The following SPAG16 variants were observed in gnomAD, a reference collection of about 807,000 sequenced individuals.
SPAG16 encodes sperm-associated antigen 16 protein.
A neutral mutation model predicts 80.4 loss-of-function variants in SPAG16; 86 were observed. That is an observed-to-expected ratio of 1.07 (90% CI 0.90 to 1.28). The LOEUF is 1.28. Ranked by LOEUF, SPAG16 falls within the 50% of genes most tolerant of loss-of-function variation. SPAG16 has a pLI of 0.00. For synonymous variants in SPAG16, 294 were observed against 265.9 expected, an observed-to-expected ratio of 1.11 and a Z score of -1.03; for missense variants, 870 against 765.3, an observed-to-expected ratio of 1.14 and a Z score of -1.61.
At chr2:214,281,180 A>G (rs2125913843) in intron 15 of SPAG16, 1 of 331,174 alleles carries the variant, frequency 3.0e-6, no homozygotes, top group South Asian at 3.1e-5. Flanking sequence ...GCTGCAGCGT[A>G]ATTTGTCAAG....
chr2:213,565,633 G>T (rs1159493035), intron 10 of SPAG16, among the ~76,000 whole-genome samples: 1 of 152,168 alleles, frequency 6.6e-6, no homozygotes, highest in Non-Finnish European at 1.5e-5. Flanking sequence ...GAGAGGTTGA[G>T]AACACACCAG....
chr2:214,210,863 G>A (rs1220163484), intron 15 of SPAG16, among the ~76,000 whole-genome samples: 1 of 151,740 alleles, frequency 6.6e-6, no homozygotes, highest in Admixed American at 6.6e-5. Context: ...ACACATATTT[G>A]TGTGTGTACT....
chr2:213,364,072 T>G lies in SPAG16; in HGVS notation c.763-4T>G. 1 of 1,462,814 alleles carries G rather than the reference T, an allele frequency of 6.8e-7. No individual in the cohort carries two copies. Among genetic ancestry groups the G allele is most frequent in the Admixed American group, 2.5e-5 (1 of 40,644 alleles). 90.6% of individuals were successfully genotyped at this position (1,462,814 alleles called of 1,614,324 possible). A position where few individuals can be genotyped will look rare whatever the true frequency, so the allele number is the denominator to read the frequency against. On this transcript the variant is annotated splice_region_variant and splice_polypyrimidine_tract_variant and intron_variant, in intron 7 of 15. Coordinates refer to ENST00000331683, the MANE Select transcript of SPAG16 (RefSeq NM_024532.5). ...ATTTCATTTCTTTGAATTTTACTTT[T>G]TAGATTTCTGGACTTCAAGAAACAT... is the stretch of plus-strand genomic sequence containing the variant.
chr2:213,433,209 G>A (rs575972734), intron 9 of SPAG16, among the ~76,000 whole-genome samples: 27 of 152,132 alleles, frequency 1.8e-4, no homozygotes, highest in Non-Finnish European at 1.9e-4. Flanking sequence ...ACAAGAATGT[G>A]CACTTTGGCC....
intron 10 of SPAG16, among the ~76,000 whole-genome samples, chr2:213,653,321 A>G (rs1010896916): frequency 1.3e-5 from 2 of 152,180 alleles, no homozygotes; most frequent in Middle Eastern, 3.2e-3. Context: ...TAGTCTCAAT[A>G]TAAGCTGTGG....
At chr2:213,778,078 G>A (rs1480109545) in intron 10 of SPAG16, among the ~76,000 whole-genome samples, 1 of 151,768 alleles carries the variant, frequency 6.6e-6, no homozygotes, top group Admixed American at 6.6e-5. Flanking sequence ...TCCAACCCAG[G>A]AAATCTAAAT....
rs144247372 is a variant in SPAG16 at position 214,035,952 on chromosome 2, C to T, written c.1527+21875C>T. Among the ~76,000 whole-genome samples, 1,034 of 152,274 alleles carry T rather than the reference C, an allele frequency of 6.8e-3. 15 individuals are homozygous for T. Among genetic ancestry groups the T allele is most frequent in the African/African-American group, 0.023 (961 of 41,552 alleles). Reference sequence around the variant, plus strand: ...ACTGCAGCCGGTGTCATGCAGTGGCCGCTGTAGATTAACCACCACTGCCAT... The same window carrying T: ...ACTGCAGCCGGTGTCATGCAGTGGCTGCTGTAGATTAACCACCACTGCCAT... On this transcript the variant is annotated intron_variant, in intron 13 of 15. Transcript: ENST00000331683.
chr2:213,889,263 AGT>A (rs1391011224), intron 11 of SPAG16, among the ~76,000 whole-genome samples: 1 of 151,944 alleles, frequency 6.6e-6, no homozygotes, highest in Non-Finnish European at 1.5e-5. Context: ...CCTTCTATAT[AGT>A]GTATAAATAT....
At chr2:213,564,756 T>C (rs1230452128) in intron 10 of SPAG16, among the ~76,000 whole-genome samples, 1 of 152,276 alleles carries the variant, frequency 6.6e-6, no homozygotes, top group East Asian at 1.9e-4. Context: ...ACTTTGTTAA[T>C]ATGCACAAGA....
chr2:213,986,586 A>G (rs182479231), intron 12 of SPAG16, among the ~76,000 whole-genome samples: 1 of 152,132 alleles, frequency 6.6e-6, no homozygotes, highest in Admixed American at 6.6e-5. Flanking sequence ...GAAATACTAG[A>G]ACAGTTACAA....
chr2:213,858,315 T>A (rs4638733), intron 10 of SPAG16, among the ~76,000 whole-genome samples: 52,261 of 151,932 alleles, frequency 0.34, 9,441 homozygotes, highest in South Asian at 0.47. Context: ...ATTTTCAGAA[T>A]TTGCTACAAC....
intron 15 of SPAG16, among the ~76,000 whole-genome samples, chr2:214,206,341 G>GT (rs1426804059): frequency 6.6e-6 from 1 of 151,924 alleles, no homozygotes; most frequent in East Asian, 1.9e-4. Context: ...TGAGATTAAC[G>GT]TTTTTAGCTG....
chr2:213,962,214 G>A (rs1162724314), intron 12 of SPAG16, among the ~76,000 whole-genome samples: 8 of 147,016 alleles, frequency 5.4e-5, no homozygotes, highest in Non-Finnish European at 1.2e-4. Context: ...TTTTTTTTGA[G>A]ATGGAGTCTC....
intron 15 of SPAG16, among the ~76,000 whole-genome samples, chr2:214,364,743 T>C (rs1324520765): frequency 1.3e-5 from 2 of 152,156 alleles, no homozygotes; most frequent in African/African-American, 4.8e-5. Flanking sequence ...AGGGACACTT[T>C]GGAGGAAGAA....
At chr2:213,305,350 C>T (rs1418825430) in intron 3 of SPAG16, among the ~76,000 whole-genome samples, 1 of 151,962 alleles carries the variant, frequency 6.6e-6, no homozygotes, top group African/African-American at 2.4e-5. Context: ...CCTTTATTTC[C>T]TTCCCTTGTC....
chr2:213,648,137 C>T lies in SPAG16; in HGVS notation c.1070+158047C>T, dbSNP rs530911654. ...CATTTCTTTTCCTTCATTTGCAAGA[C>T]GTAACCATTTTTTATATTTTACTTT... On this transcript the variant is annotated intron_variant, in intron 10 of 15. Coordinates refer to ENST00000331683, the MANE Select transcript of SPAG16 (RefSeq NM_024532.5). 4.0e-3 allele frequency among the ~76,000 whole-genome samples: 605 copies of T among 152,142 alleles called. 8 individuals carry two copies. Among genetic ancestry groups the T allele is most frequent in the Middle Eastern group, 0.017 (5 of 294 alleles).
chr2:213,544,434 AC>A (rs545151155), intron 10 of SPAG16, among the ~76,000 whole-genome samples: 1 of 151,900 alleles, frequency 6.6e-6, no homozygotes, highest in Non-Finnish European at 1.5e-5. Context: ...TATATCCCAT[AC>A]CCCCACACGT....
chr2:214,051,116 A>C (rs1025135615), intron 13 of SPAG16, among the ~76,000 whole-genome samples: 3 of 152,198 alleles, frequency 2.0e-5, no homozygotes, highest in Non-Finnish European at 4.4e-5. Flanking sequence ...AGCTCTAAGA[A>C]TATTTCTGGC....
chr2:213,412,699 G>T lies in SPAG16; in HGVS notation c.942+37580G>T, dbSNP rs77475949. ...CAGAATTTCCCATTTTTGGAGAAGC[G>T]CTAAAGGCTTAGTTCTAGGACTGAT... On this transcript the variant is annotated intron_variant, in intron 9 of 15. Transcript: ENST00000331683. Among the ~76,000 whole-genome samples, 656 of 152,002 alleles carry T rather than the reference G, an allele frequency of 4.3e-3. 4 individuals carry two copies. Among genetic ancestry groups the T allele is most frequent in the African/African-American group, 0.015 (605 of 41,420 alleles).
Sources: allele counts gnomAD v4.1 joint callset (sites outside exome capture counted in the v4.1 genomes callset), GRCh38; gene constraint gnomAD v4.1.1; transcripts MANE v1.5; gene names NCBI Gene and HGNC (gene_info 2026-07-23, HGNC 2026-07-21).